Variants in SH3TC2 observed in about 807,000 individuals in gnomAD.
SH3TC2 encodes the protein SH3 domain and tetratricopeptide repeat-containing protein 2.
Under a neutral mutation model 124.5 loss-of-function variants are expected in SH3TC2, and 87 were observed. The observed-to-expected ratio is 0.70, with a 90% CI of 0.59 to 0.84. SH3TC2 has a LOEUF of 0.84. Among genes scored for constraint, SH3TC2 ranks in the 40% least tolerant of loss-of-function variants. The probability of loss-of-function intolerance (pLI) is 0.00; values close to 1 mark genes in which losing one functional copy is unlikely to be tolerated. For missense variants in SH3TC2, 1,536 were observed against 1,566.4 expected (o/e 0.98, Z 0.33); for synonymous variants, 634 against 628.5 (o/e 1.01, Z -0.13).
intron 15 of SH3TC2, 22 bp from the exon 16 acceptor site, chr5:149,007,099 G>T (rs549411797): frequency 6.2e-7 from 1 of 1,610,532 alleles, no homozygotes; most frequent in African/African-American, 1.3e-5. Flanking sequence ...AAGACTGAGA[G>T]AGATATCCTG....
rs1416494708 is a variant in SH3TC2, at chr5:149,028,158, C to T, written c.1574G>A (p.Trp525Ter). The change falls in exon 11 of 17, where the codon TGG becomes TAG. Residue 525 changes from tryptophan (W) to a stop codon, truncating the protein, a stop_gained. Coordinates refer to ENST00000515425, the MANE Select transcript of SH3TC2 (RefSeq NM_024577.4). LOFTEE classifies it high-confidence loss of function. ...GAGGAAGCAGAGACGGGCATGGGCC[C>T]AGGTCATGTGGCTCTTCTTGGCCCA... ...RKWAKKSHMT[W>*]AHARLCFLLG... 6.2e-7 allele frequency: 1 copy of T among 1,614,098 alleles called. No individual in the cohort carries two copies. Among genetic ancestry groups the T allele is most frequent in the Non-Finnish European group, 8.5e-7 (1 of 1,180,018 alleles).
At chr5:149,005,956 T>C (rs1420667567) in intron 16 of SH3TC2, among the ~76,000 whole-genome samples, 1 of 152,084 alleles carries the variant, frequency 6.6e-6, no homozygotes, top group Non-Finnish European at 1.5e-5. Flanking sequence ...ACTCTAGAAG[T>C]CACCAAAATA....
Position 149,002,359 on chromosome 5 carries a change from G to A in SH3TC2, c.*2352C>T, listed in dbSNP as rs1288549997. 6.6e-6 allele frequency: 1 copy of A among 152,668 alleles called. No homozygotes were observed. The highest frequency in any genetic ancestry group is 1.5e-5 in the Non-Finnish European group (1 of 68,068). The allele number at this position is 152,668 out of a possible 1,614,324, so 9.5% of individuals were successfully genotyped here. A position where few individuals can be genotyped will look rare whatever the true frequency, so the allele number is the denominator to read the frequency against. ...AGCCTCAACCGCAACGTCCCTCCCA[G>A]CTTGGGGCTTTTACAGCTTGTGGTG... On this transcript the variant is annotated 3_prime_UTR_variant, in exon 17 of 17. Transcript: ENST00000515425.
In SH3TC2 at chr5:148,982,946, G is replaced by A. The variant is rs1428651237; in HGVS notation, c.*21765C>T. Among the ~76,000 whole-genome samples the A allele has an allele frequency of 6.6e-6, 1 of 152,214 alleles. No individual in the cohort carries two copies. The highest frequency in any genetic ancestry group is 1.5e-5 in the Non-Finnish European group (1 of 68,032). On this transcript the variant is annotated 3_prime_UTR_variant, in exon 17 of 17. Transcript: ENST00000515425. ...CTGACGCAGCAGAGGCATCATGTCT[G>A]CAAGTAGAAGATGTTGGTCTCAGGC...
Position 149,047,932 on chromosome 5 carries a change from A to T in SH3TC2, c.209T>A (p.Leu70Gln). ...GAGCCGCCTCCGAGCAGCTTCCTGT[A>T]GGGGTCCATTTACACACCTCCTGGA... ...SRSRRCVNGP[L>Q]QEAARRRLWA... The change falls in exon 3 of 17, where the codon CTA becomes CAA. Residue 70 changes from leucine to glutamine, a missense_variant. This residue lies in a region of SH3TC2 where 1,102 missense variants were observed against 1,098.6 expected (regional missense o/e 1.00). Coordinates refer to ENST00000515425, the MANE Select transcript of SH3TC2 (RefSeq NM_024577.4). 1.2e-6 allele frequency: 2 copies of T among 1,614,144 alleles called. No homozygotes were observed. Among genetic ancestry groups the T allele is most frequent in the Non-Finnish European group, 1.7e-6 (2 of 1,180,006 alleles).
At position 149,012,998 on chromosome 5, in the gene SH3TC2, G is replaced by T. The variant is rs183401330; in HGVS notation, c.3054-264C>A. ...AGCGGATTGTTGTGAGGATGAAATTGAGATACAACTAAGTGCTTAGAACAG... is the reference window on the plus strand; with the variant it reads ...AGCGGATTGTTGTGAGGATGAAATTTAGATACAACTAAGTGCTTAGAACAG... On this transcript the variant is annotated intron_variant, in intron 12 of 16. Coordinates refer to ENST00000515425, the MANE Select transcript of SH3TC2 (RefSeq NM_024577.4). Among the ~76,000 whole-genome samples, 269 of 152,282 alleles carry T rather than the reference G, an allele frequency of 1.8e-3. 1 individual carries two copies. The highest frequency in any genetic ancestry group is 2.7e-3 in the Non-Finnish European group (185 of 68,022).
chr5:149,031,584 G>C lies in SH3TC2; in HGVS notation c.1105C>G (p.Arg369Gly), dbSNP rs569974719. 6.2e-7 allele frequency: 1 copy of C among 1,614,006 alleles called. No individual in the cohort carries two copies. The highest frequency in any genetic ancestry group is 8.5e-7 in the Non-Finnish European group (1 of 1,180,032). Reference sequence around the variant, plus strand: ...CGGTAGACAGATGTGATGTCAGTGCGAGCAAGAGTGTGGAGGAAGCTGGAA... The same window carrying C: ...CGGTAGACAGATGTGATGTCAGTGCCAGCAAGAGTGTGGAGGAAGCTGGAA... ...ECSSFLHTLA[R>G]TDITSVYRLS... The change falls in exon 9 of 17, where the codon CGC becomes GGC. Residue 369 changes from arginine (R) to glycine (G), a missense_variant. By Grantham distance (125) the Arg-to-Gly change is moderately radical. Transcript: ENST00000515425.
rs1754068888 is a variant in SH3TC2, at chr5:149,026,682, G to T, written c.2943C>A (p.Ile981=). ...GGGCCAGCCAGTGCTCATGGTAGGT[G>T]ATGCATGCCTCAGGGTTTGGGGACA... ...SSVSPNPEAC[I]TYHEHWLALA... The change falls in exon 12 of 17, where the codon ATC becomes ATA. Residue 981 remains isoleucine (I), a synonymous_variant. Transcript: ENST00000515425. 6.2e-7 allele frequency: 1 copy of T among 1,614,220 alleles called. No individual in the cohort carries two copies. The highest frequency in any genetic ancestry group is 2.2e-5 in the East Asian group (1 of 44,876).
intron 3 of SH3TC2, chr5:149,047,105 T>C (rs1404198718): frequency 6.6e-6 from 1 of 152,274 alleles, no homozygotes; most frequent in Non-Finnish European, 1.5e-5. Flanking sequence ...CATTTCTGAC[T>C]TTAGTTCTCC....
At chr5:149,043,502 A>G (rs1754405893) in intron 4 of SH3TC2, among the ~76,000 whole-genome samples, 1 of 152,206 alleles carries the variant, frequency 6.6e-6, no homozygotes, top group Non-Finnish European at 1.5e-5. Flanking sequence ...GTCTGTTTCT[A>G]TCCTGACTGT....
chr5:149,035,644 G>C (rs1754271274), intron 8 of SH3TC2: 1 of 152,290 alleles, frequency 6.6e-6, no homozygotes. Context: ...TCTTCTCCTT[G>C]TGCCACCCCT....
In SH3TC2 at chr5:149,010,219, C is replaced by T. The variant is rs1409802490; in HGVS notation, c.3327+51G>A. 3.1e-6 allele frequency: 5 copies of T among 1,613,496 alleles called. No individual in the cohort carries two copies. In the Admixed American group the frequency reaches 6.7e-5, roughly 22 times the overall value. On this transcript the variant is annotated intron_variant, in intron 14 of 16. Coordinates refer to ENST00000515425, the MANE Select transcript of SH3TC2 (RefSeq NM_024577.4). ...CAGGCCGAAGTCCAGCCTGACCCTT[C>T]CCATGCCCGTGCCAGGACCTGTCTC...
intron 14 of SH3TC2, among the ~76,000 whole-genome samples, chr5:149,009,754 C>T (rs779179513): frequency 2.1e-4 from 32 of 152,176 alleles, no homozygotes; most frequent in Non-Finnish European, 3.5e-4. Context: ...AACATCAACT[C>T]TTTTTCTTGC....
rs1753577090 is a variant in SH3TC2 at position 149,000,311 on chromosome 5, A to T, written c.*4400T>A. 6.6e-6 allele frequency among the ~76,000 whole-genome samples: 1 copy of T among 152,156 alleles called. No homozygotes were observed. The highest frequency in any genetic ancestry group is 2.4e-5 in the African/African-American group (1 of 41,428). ...CTTCCCTGCTTACTCCATTTCTCTGAGTGTGCAAGGAAAAAGTGGTTGTTG... is the reference window on the plus strand; with the variant it reads ...CTTCCCTGCTTACTCCATTTCTCTGTGTGTGCAAGGAAAAAGTGGTTGTTG... On this transcript the variant is annotated 3_prime_UTR_variant, in exon 17 of 17. Transcript: ENST00000515425.
chr5:149,028,681 C>G lies in SH3TC2; in HGVS notation c.1173G>C (p.Leu391=). The change falls in exon 10 of 17, where the codon CTG becomes CTC. Residue 391 remains leucine, a synonymous_variant. Transcript: ENST00000515425. The part of the protein sequence containing the change: ...FESIQNPPND[L]SASQPEGFKE... Reference sequence around the variant, plus strand: ...TTCAGCATGATCGCTACTCACCACTCAGATCATTTGGAGGATTCTGGATGG... The same window carrying G: ...TTCAGCATGATCGCTACTCACCACTGAGATCATTTGGAGGATTCTGGATGG... 1 of 1,614,200 alleles carries G rather than the reference C, an allele frequency of 6.2e-7. No individual in the cohort carries two copies. Among genetic ancestry groups the G allele is most frequent in the South Asian group, 1.1e-5 (1 of 91,084 alleles).
chr5:149,030,694 C>G (rs1754175896), intron 9 of SH3TC2, among the ~76,000 whole-genome samples: 1 of 152,258 alleles, frequency 6.6e-6, no homozygotes, highest in African/African-American at 2.4e-5. Context: ...TCTCAACTCC[C>G]TGCTCTACTC....
rs772753479 is a variant in SH3TC2, at chr5:149,012,631, G to A, written c.3157C>T (p.Leu1053Phe). Residue 1053 changes from leucine (L) to phenylalanine (F), a missense_variant, in exon 13 of 17, where the codon CTC becomes TTC. Coordinates refer to ENST00000515425, the MANE Select transcript of SH3TC2 (RefSeq NM_024577.4). The stretch of plus-strand genomic sequence containing the variant: ...TCGTCTTCCTGCATGAGGTAGTGGA[G>A]TCGCCCCGCCCCAAGCCAGGCCTCA... ...AAEAWLGAGRLHYLMQEDELV... is the reference protein window; with the variant it reads ...AAEAWLGAGRFHYLMQEDELV... 19 of 1,614,174 alleles carry A rather than the reference G, an allele frequency of 1.2e-5. No individual in the cohort carries two copies. The highest frequency in any genetic ancestry group is 5.0e-5 in the Admixed American group (3 of 60,028).
intron 12 of SH3TC2, among the ~76,000 whole-genome samples, chr5:149,024,183 C>T (rs1380450263): frequency 6.6e-6 from 1 of 152,164 alleles, no homozygotes; most frequent in Non-Finnish European, 1.5e-5. Context: ...GGGACTCCTC[C>T]ACACAAAGCT....
intron 2 of SH3TC2, 171 bp from the exon 3 acceptor site, chr5:149,048,160 TC>T: frequency 1.1e-6 from 1 of 882,434 alleles, no homozygotes; most frequent in Non-Finnish European, 1.7e-6. Flanking sequence ...CTTTAAATGG[TC>T]CTCCCTTGAG....
Sources: gnomAD v4.1 joint callset for allele counts (sites outside exome capture counted in the v4.1 genomes callset) on GRCh38, gnomAD v4.1.1 for gene constraint, gnomAD v4.1.1 regional missense constraint, MANE v1.5 for transcripts, NCBI Gene and HGNC (gene_info 2026-07-23, HGNC 2026-07-21) for gene names.